The following HCLS1 variants were observed in gnomAD, a reference collection of about 807,000 sequenced individuals.
HCLS1 encodes the protein hematopoietic cell-specific Lyn substrate 1, also known as hematopoietic lineage cell-specific protein.
Under a neutral mutation model 68.6 loss-of-function variants are expected in HCLS1, and 44 were observed. That is an observed-to-expected ratio of 0.64 (90% CI 0.50 to 0.82). The LOEUF (loss-of-function observed/expected upper bound fraction) is 0.82, where lower values mean the gene tolerates loss of function less well. Ranked by LOEUF, HCLS1 falls within the 40% of genes least tolerant of loss-of-function variation. The probability of loss-of-function intolerance (pLI) is 0.00; values close to 1 mark genes in which losing one functional copy is unlikely to be tolerated. For missense variants in HCLS1, 602 were observed against 612.1 expected, an observed-to-expected ratio of 0.98 and a Z score of 0.17; for synonymous variants, 217 against 225.8, an observed-to-expected ratio of 0.96 and a Z score of 0.35.
chr3:121,632,251 T>G, intron 12 of HCLS1, 67 bp from the exon 13 acceptor site: 22 of 1,602,784 alleles, frequency 1.4e-5, no homozygotes, highest in Non-Finnish European at 1.8e-5. Flanking sequence ...AAGATCCTAC[T>G]GGGGCAATAG....
intron 5 of HCLS1, 183 bp from the exon 6 acceptor site, chr3:121,643,164 C>A: frequency 1.9e-6 from 1 of 526,306 alleles, no homozygotes; most frequent in Non-Finnish European, 3.5e-6. Flanking sequence ...GAACATAGGC[C>A]CTGGACACAG....
chr3:121,658,722 C>G (rs1295943796), intron 1 of HCLS1, among the ~76,000 whole-genome samples: 1 of 152,180 alleles, frequency 6.6e-6, no homozygotes, highest in Non-Finnish European at 1.5e-5. Context: ...CTATAATATC[C>G]CTAGAATTAT....
intron 6 of HCLS1, 119 bp downstream of exon 6, chr3:121,642,808 A>C (rs1485158130): frequency 1.2e-6 from 1 of 801,034 alleles, no homozygotes; most frequent in African/African-American, 1.7e-5. Flanking sequence ...AGTAAATAAA[A>C]TAGTGGTGCG....
chr3:121,655,885 A>G (rs894296361), intron 3 of HCLS1, among the ~76,000 whole-genome samples: 1 of 150,926 alleles, frequency 6.6e-6, no homozygotes, highest in Admixed American at 6.6e-5. Context: ...GTCTCGCTCT[A>G]TCACCCTGGC....
At chr3:121,644,049 T>G (rs1560140791) in intron 5 of HCLS1, 1 of 152,958 alleles carries the variant, frequency 6.5e-6, no homozygotes, top group Non-Finnish European at 1.5e-5. Flanking sequence ...ATCCTTAGCT[T>G]TAAGGATGCA....
chr3:121,653,867 G>A (rs779565202), intron 3 of HCLS1: 2 of 152,256 alleles, frequency 1.3e-5, no homozygotes, highest in African/African-American at 2.4e-5. Context: ...GTGCCACTCA[G>A]TGTGTGGTCC....
chr3:121,659,440 C>T (rs13067629), intron 1 of HCLS1, among the ~76,000 whole-genome samples: 105,562 of 152,024 alleles, frequency 0.69, 37,459 homozygotes, highest in East Asian at 0.85. Flanking sequence ...TGCTCTCCAT[C>T]GTCTCCAAAG....
At chr3:121,657,425 A>T in intron 2 of HCLS1, 73 bp from the exon 3 acceptor site, 23 of 1,343,530 alleles carry the variant, frequency 1.7e-5, no homozygotes, top group Non-Finnish European at 2.5e-5. Context: ...CCCAACTGAC[A>T]CATGCCCTCC....
intron 3 of HCLS1, among the ~76,000 whole-genome samples, chr3:121,650,794 A>G (rs1415117221): frequency 6.6e-6 from 1 of 152,212 alleles, no homozygotes; most frequent in Non-Finnish European, 1.5e-5. Context: ...TCAATAAATT[A>G]GACATCATCA....
In HCLS1 at chr3:121,631,768, A is replaced by C; in HGVS notation, c.*78T>G. ...GAACCTCATCTGGTTAGACATTTGC[A>C]GCAGGAATAGGGAGGGGGTGGAGGC... On this transcript the variant is annotated 3_prime_UTR_variant, in exon 14 of 14. Transcript: ENST00000314583. 1 of 1,492,594 alleles carries C rather than the reference A, an allele frequency of 6.7e-7. No homozygotes were observed. Among genetic ancestry groups the C allele is most frequent in the East Asian group, 2.3e-5 (1 of 44,052 alleles). The allele number at this position is 1,492,594 out of a possible 1,614,324, so 92.5% of individuals were successfully genotyped here.
intron 11 of HCLS1, 24 bp downstream of exon 11, chr3:121,633,041 CAG>C: frequency 6.8e-7 from 1 of 1,474,700 alleles, no homozygotes; most frequent in Non-Finnish European, 9.5e-7. Context: ...GGGGTGGGGG[CAG>C]AGAATCTTTG....
At chr3:121,659,191 C>T (rs1937936831) in intron 1 of HCLS1, among the ~76,000 whole-genome samples, 1 of 152,182 alleles carries the variant, frequency 6.6e-6, no homozygotes, top group South Asian at 2.1e-4. Context: ...AGAACCCTAG[C>T]TTGGAAGGGT....
rs1937635441 is a variant in HCLS1, at chr3:121,647,325, C to T, written c.282G>A (p.Met94Ile). ...GGRFGVERDR[M>I]DKSAVGHEYV... ...TCTTTCCCTTTCAACTTACCTTGTC[C>T]ATTCGGTCTCTTTCTACTCCAAACC... Residue 94 changes from methionine (M) to isoleucine (I), a missense_variant, in exon 4 of 14, where the codon ATG (methionine) becomes ATA (isoleucine). Physicochemically the swap from Met to Ile is conservative, Grantham distance 10. Coordinates refer to ENST00000314583, the MANE Select transcript of HCLS1 (RefSeq NM_005335.6). 1 of 1,613,780 alleles carries T rather than the reference C, an allele frequency of 6.2e-7. No homozygotes were observed. Among genetic ancestry groups the T allele is most frequent in the Non-Finnish European group, 8.5e-7 (1 of 1,179,904 alleles).
intron 6 of HCLS1, among the ~76,000 whole-genome samples, chr3:121,642,004 C>CA (rs2049204900): frequency 2.1e-5 from 3 of 142,170 alleles, no homozygotes; most frequent in African/African-American, 5.2e-5. Flanking sequence ...GGCGTGAACC[C>CA]GGAAGGCGGA....
At chr3:121,639,425 T>G (rs979605308) in intron 6 of HCLS1, among the ~76,000 whole-genome samples, 1 of 152,192 alleles carries the variant, frequency 6.6e-6, no homozygotes, top group Non-Finnish European at 1.5e-5. Context: ...TCTAGAAAAT[T>G]TCCCTGATGC....
chr3:121,644,775 C>A (rs2107468983), intron 5 of HCLS1, 43 bp downstream of exon 5: 3 of 1,385,664 alleles, frequency 2.2e-6, no homozygotes, highest in East Asian at 4.6e-5. Flanking sequence ...GCAATTTTCA[C>A]AGGACTGGAG....
chr3:121,644,381 G>A (rs998944825), intron 5 of HCLS1: 16 of 304,662 alleles, frequency 5.3e-5, no homozygotes, highest in South Asian at 4.4e-4. Flanking sequence ...TCTGTAAATA[G>A]TAACCCTAAT....
At chr3:121,639,976 A>C (rs895619542) in intron 6 of HCLS1, among the ~76,000 whole-genome samples, 23 of 152,336 alleles carry the variant, frequency 1.5e-4, no homozygotes, top group Middle Eastern at 3.4e-3. Context: ...GCAAAGCCAA[A>C]AGCTTGTTCT....
At chr3:121,658,923 T>A (rs1172172405) in intron 1 of HCLS1, among the ~76,000 whole-genome samples, 1 of 152,112 alleles carries the variant, frequency 6.6e-6, no homozygotes, top group African/African-American at 2.4e-5. Flanking sequence ...CACAGCTGTG[T>A]AAGGTCAGCA....
Sources: gnomAD v4.1 joint callset for allele counts (sites outside exome capture counted in the v4.1 genomes callset) on GRCh38, gnomAD v4.1.1 for gene constraint, MANE v1.5 for transcripts, NCBI Gene and HGNC (gene_info 2026-07-23, HGNC 2026-07-21) for gene names.